The following EIF3C variants were observed in gnomAD, a reference collection of about 807,000 sequenced individuals.
EIF3C encodes the protein cell migration-inducing protein 17.
A neutral mutation model predicts 11.1 loss-of-function variants in EIF3C; 2 were observed. The observed-to-expected ratio is 0.18, with a 90% CI of 0.07 to 0.57. The LOEUF (loss-of-function observed/expected upper bound fraction) is 0.57, where lower values mean the gene tolerates loss of function less well. Among genes scored for constraint, EIF3C ranks in the 20% least tolerant of loss-of-function variants. The pLI, the probability that EIF3C is intolerant of heterozygous loss-of-function variation, is 0.92. For missense variants in EIF3C, 16 were observed against 114.6 expected (o/e 0.14, Z 3.93); for synonymous variants, 2 against 41.5 (o/e 0.05, Z 3.66).
At chr16:28,698,373 G>A (rs1446752661) in intron 1 of EIF3C, among the ~76,000 whole-genome samples, 1 of 100,466 alleles carries the variant, frequency 1.0e-5, no homozygotes, top group Admixed American at 8.6e-5. Flanking sequence ...GCGGCTGGCC[G>A]GGTGGGGGGC....
At position 28,698,408 on chromosome 16, in the gene EIF3C, C is replaced by A. The variant is rs1285008087; in HGVS notation, c.-31+9580C>A. On this transcript the variant is annotated intron_variant, in intron 1 of 20. Transcript: ENST00000566501. ...CTGACCCTCCCACCTCCCTCCCGGA[C>A]GGCATGGCTGGCCAGGCGGGGGGCT... Among the ~76,000 whole-genome samples the A allele has an allele frequency of 2.2e-5, 2 of 92,496 alleles. 1 individual carries two copies. Among genetic ancestry groups the A allele is most frequent in the Non-Finnish European group, 4.0e-5 (2 of 49,674 alleles). The allele number at this position is 92,496 out of a possible 152,430, so 60.7% of individuals were successfully genotyped here. A position where few individuals can be genotyped will look rare whatever the true frequency, so the allele number is the denominator to read the frequency against.
At position 28,688,980 on chromosome 16, in the gene EIF3C, G is replaced by A. The variant is rs2048209372; in HGVS notation, c.-31+152G>A. Among the ~76,000 whole-genome samples the A allele has an allele frequency of 4.3e-5, 2 of 46,004 alleles. 1 individual carries two copies. Among genetic ancestry groups the A allele is most frequent in the South Asian group, 1.4e-3 (2 of 1,416 alleles). 30.2% of individuals were successfully genotyped at this position (46,004 alleles called of 152,430 possible). ...GGCTGGAGTGCACTGGCATGATCTCGGCTGACTGCAACCTCTGCTTCCCGG... is the reference window on the plus strand; with the variant it reads ...GGCTGGAGTGCACTGGCATGATCTCAGCTGACTGCAACCTCTGCTTCCCGG... On this transcript the variant is annotated intron_variant, in intron 1 of 20. Transcript: ENST00000566501.
Position 28,696,052 on chromosome 16 carries a change from C to G in EIF3C, c.-31+7224C>G, listed in dbSNP as rs180764129. On this transcript the variant is annotated intron_variant, in intron 1 of 20. Transcript: ENST00000566501. ...ATTATCACATCCCTGGAGAGTCGCACAGACTAGTGCCACCCTCAAAGACTT... is the reference window on the plus strand; with the variant it reads ...ATTATCACATCCCTGGAGAGTCGCAGAGACTAGTGCCACCCTCAAAGACTT... Among the ~76,000 whole-genome samples the G allele has an allele frequency of 2.7e-4, 14 of 52,426 alleles. 2 individuals are homozygous for G. The highest frequency in any genetic ancestry group is 5.8e-4 in the South Asian group (1 of 1,720). The allele number at this position is 52,426 out of a possible 152,430, so 34.4% of individuals were successfully genotyped here. A position where few individuals can be genotyped will look rare whatever the true frequency, so the allele number is the denominator to read the frequency against.
At chr16:28,718,707 A>G (rs1024329215) in intron 8 of EIF3C, among the ~76,000 whole-genome samples, 2 of 130,344 alleles carry the variant, frequency 1.5e-5, no homozygotes, top group African/African-American at 3.2e-5. Flanking sequence ...TGCAAGCTCC[A>G]CCTCCCGGGT....
At chr16:28,699,676 T>C (rs2048270070) in intron 1 of EIF3C, among the ~76,000 whole-genome samples, 1 of 80,432 alleles carries the variant, frequency 1.2e-5, no homozygotes, top group Non-Finnish European at 2.4e-5. Flanking sequence ...ACCAAGTATC[T>C]GGGACTACAG....
intron 15 of EIF3C, among the ~76,000 whole-genome samples, chr16:28,728,536 G>T (rs1308461157): frequency 1.7e-5 from 2 of 120,302 alleles, no homozygotes; most frequent in African/African-American, 3.0e-5. Flanking sequence ...GTGTGTGTGT[G>T]TGTGTGTGTG....
intron 15 of EIF3C, among the ~76,000 whole-genome samples, chr16:28,728,502 TGTGTGTGTATCTTTTAGGG>T (rs1454922217): frequency 3.7e-4 from 28 of 76,236 alleles, no homozygotes; most frequent in Non-Finnish European, 6.7e-4. Flanking sequence ...AGGGGGTGTG[TGTGTGTGTATCTTTTAGGG>T]GTGTGTGTGT....
chr16:28,730,103 A>G (rs1331543585), intron 15 of EIF3C, among the ~76,000 whole-genome samples: 2 of 144,452 alleles, frequency 1.4e-5, no homozygotes, highest in African/African-American at 5.1e-5. Context: ...ATCTCGGCTC[A>G]CTGCAATCTC....
intron 1 of EIF3C, among the ~76,000 whole-genome samples, chr16:28,698,800 T>G (rs374228958): frequency 2.5e-4 from 3 of 12,192 alleles, no homozygotes; most frequent in Non-Finnish European, 3.9e-4. Flanking sequence ...AGACGGGGTC[T>G]CGGCCGGGCA....
At chr16:28,698,364 C>T (rs867856231) in intron 1 of EIF3C, among the ~76,000 whole-genome samples, 3,443 of 59,158 alleles carry the variant, frequency 0.058, 57 homozygotes, top group African/African-American at 0.14. Flanking sequence ...CCGGACGGGG[C>T]GGCTGGCCGG....
intron 1 of EIF3C, among the ~76,000 whole-genome samples, chr16:28,697,892 G>A (rs1170991058): frequency 4.5e-5 from 4 of 88,302 alleles, no homozygotes; most frequent in African/African-American, 1.7e-4. Context: ...CCTCCCTCCC[G>A]GACGGGGCGG....
In EIF3C at chr16:28,697,717, A is replaced by C. The variant is rs1392107710; in HGVS notation, c.-31+8889A>C. Among the ~76,000 whole-genome samples, 3 of 90,014 alleles carry C rather than the reference A, an allele frequency of 3.3e-5. 1 individual carries two copies. The highest frequency in any genetic ancestry group is 1.8e-4 in the African/African-American group (2 of 11,128). The allele number at this position is 90,014 out of a possible 152,430, so 59.1% of individuals were successfully genotyped here. On this transcript the variant is annotated intron_variant, in intron 1 of 20. Coordinates refer to the EIF3C transcript ENST00000566501. ...ATGAGCTGTTGGGCACACCTCCCAG[A>C]CGGGGTGGTGGCCGGTCAGAGGGGC...
At chr16:28,699,464 C>T (rs866387576) in intron 1 of EIF3C, among the ~76,000 whole-genome samples, 1 of 77,830 alleles carries the variant, frequency 1.3e-5, no homozygotes, top group African/African-American at 5.8e-5. Context: ...GAGAGGGAGA[C>T]GGAGACGGAG....
At position 28,699,493 on chromosome 16, in the gene EIF3C, A is replaced by AGGGAGT. The variant is rs1786129978; in HGVS notation, c.-31+10670_-31+10671insTGGGAG. Among the ~76,000 whole-genome samples the AGGGAGT allele has an allele frequency of 4.0e-5, 4 of 100,846 alleles. 1 individual carries two copies. The highest frequency in any genetic ancestry group is 7.6e-5 in the Non-Finnish European group (4 of 52,416). 66.2% of individuals were successfully genotyped at this position (100,846 alleles called of 152,430 possible). A position where few individuals can be genotyped will look rare whatever the true frequency, so the allele number is the denominator to read the frequency against. On this transcript the variant is annotated intron_variant, in intron 1 of 20. Coordinates refer to the EIF3C transcript ENST00000566501. Reference sequence around the variant, plus strand: ...GACGGAGACGGAGACGGAGAGGGAGAGGGAGAGGGAGAGGGAGAGGGAGAG... The same window carrying AGGGAGT: ...GACGGAGACGGAGACGGAGAGGGAGAGGGAGTGGGAGAGGGAGAGGGAGAGGGAGAG...
Position 28,691,161 on chromosome 16 carries a change from C to T in EIF3C, c.-31+2333C>T, listed in dbSNP as rs1175650134. On this transcript the variant is annotated intron_variant, in intron 1 of 20. Coordinates refer to the EIF3C transcript ENST00000566501. The stretch of plus-strand genomic sequence containing the variant: ...CTGCACTCCAGCCTGGGCAACAGAG[C>T]AAGACTCCGTCTCAAAAAAATATAT... Among the ~76,000 whole-genome samples the T allele has an allele frequency of 2.9e-4, 9 of 31,000 alleles. 2 individuals carry two copies. The highest frequency in any genetic ancestry group is 4.6e-4 in the Admixed American group (1 of 2,156). The allele number at this position is 31,000 out of a possible 152,430, so 20.3% of individuals were successfully genotyped here.
chr16:28,700,267 A>G (rs1340829656), intron 1 of EIF3C: 1 of 263,638 alleles, frequency 3.8e-6, no homozygotes. Context: ...GGGCTTGCAC[A>G]CAGGTGGCAG....
At position 28,733,913 on chromosome 16, in the gene EIF3C, CAG is replaced by C. The variant is rs200695987; in HGVS notation, c.2183-604_2183-603del. On this transcript the variant is annotated intron_variant, in intron 16 of 20. Transcript: ENST00000331666. ...TTTTGTTTTGTTTTGTTTTTTGAGA[CAG>C]AGTCTCGCTCTGTAGCCCAGGCTGG... Among the ~76,000 whole-genome samples, 1,255 of 112,396 alleles carry C rather than the reference CAG, an allele frequency of 0.011. 127 individuals are homozygous for C. The East Asian group carries it at 0.13, about 12-fold the overall frequency. 73.7% of individuals were successfully genotyped at this position (112,396 alleles called of 152,430 possible).
rs1004933598 is a variant in EIF3C, at chr16:28,700,529, G to C, written c.-30-11128G>C. The C allele has an allele frequency of 1.3e-5, 4 of 315,346 alleles. 1 individual carries two copies. The African/African-American group carries it at 1.5e-4, about 12-fold the overall frequency. 19.5% of individuals were successfully genotyped at this position (315,346 alleles called of 1,614,324 possible). On this transcript the variant is annotated intron_variant, in intron 1 of 20. Transcript: ENST00000566501. ...AGGGGGGAACTCGTCACCTCCACGG[G>C]TTCCAGGCCATCAGGGCCAAGCTGC...
At position 28,697,983 on chromosome 16, in the gene EIF3C, G is replaced by T. The variant is rs1379067934; in HGVS notation, c.-31+9155G>T. On this transcript the variant is annotated intron_variant, in intron 1 of 20. Transcript: ENST00000566501. ...CCCTCACCTCCCGGGCGGGGCGGCT[G>T]GCCGGGCGGGGGGGCTGACCCCCCC... Among the ~76,000 whole-genome samples the T allele has an allele frequency of 1.1e-3, 56 of 52,828 alleles. 5 individuals carry two copies. Among genetic ancestry groups the T allele is most frequent in the Non-Finnish European group, 1.5e-3 (45 of 30,070 alleles). 34.7% of individuals were successfully genotyped at this position (52,828 alleles called of 152,430 possible).
Sources: gnomAD v4.1 joint callset for allele counts (sites outside exome capture counted in the v4.1 genomes callset) on GRCh38, gnomAD v4.1.1 for gene constraint, MANE v1.5 for transcripts, NCBI Gene and HGNC (gene_info 2026-07-23, HGNC 2026-07-21) for gene names.